LRRC72: variants seen among roughly 807,000 people sequenced by gnomAD.
LRRC72 encodes the protein leucine rich repeat containing 72, also known as leucine-rich repeat-containing protein 72.
LRRC72 carries 41 observed loss-of-function variants against 35.8 expected under a neutral mutation model. The observed-to-expected ratio is 1.15, with a 90% confidence interval of 0.89 to 1.49. The LOEUF is 1.49. Ranked by LOEUF, LRRC72 falls within the 40% of genes most tolerant of loss-of-function variation. LRRC72 has a pLI of 0.00. For missense variants in LRRC72, 389 were observed against 330.7 expected, an observed-to-expected ratio of 1.18 and a Z score of -1.37; for synonymous variants, 118 against 119.2, an observed-to-expected ratio of 0.99 and a Z score of 0.07.
At chr7:16,535,558 G>A (rs1454534494) in intron 2 of LRRC72, among the ~76,000 whole-genome samples, 1 of 152,082 alleles carries the variant, frequency 6.6e-6, no homozygotes, top group African/African-American at 2.4e-5. Flanking sequence ...GAGTTGTCAG[G>A]GAGCAAGATA....
At position 16,567,398 on chromosome 7, in the gene LRRC72, A is replaced by T; in HGVS notation, c.525A>T (p.Thr175=). The T allele has an allele frequency of 6.7e-7, 1 of 1,488,604 alleles. No homozygotes were observed. The highest frequency in any genetic ancestry group is 2.5e-5 in the East Asian group (1 of 40,236). 92.2% of individuals were successfully genotyped at this position (1,488,604 alleles called of 1,614,324 possible). A position where few individuals can be genotyped will look rare whatever the true frequency, so the allele number is the denominator to read the frequency against. Residue 175 remains threonine, a synonymous_variant, in exon 7 of 9, where the codon ACA becomes ACT. Coordinates refer to ENST00000401542, the MANE Select transcript of LRRC72 (RefSeq NM_001195280.2). The part of the protein sequence containing the change: ...GVELLDRNQV[T]EKERRSMITI... ...ACTTTTTGCATTTATCAGAAGTTAC[A>T]GAAAAAGAAAGAAGATCAATGATTA...
chr7:16,559,944 A>G (rs1340086636), intron 5 of LRRC72, among the ~76,000 whole-genome samples: 2 of 152,182 alleles, frequency 1.3e-5, no homozygotes, highest in Admixed American at 1.3e-4. Context: ...AACTTTATTC[A>G]TATATATTGA....
intron 1 of LRRC72, among the ~76,000 whole-genome samples, chr7:16,527,455 GGT>G (rs59655218): frequency 2.0e-5 from 3 of 149,696 alleles, no homozygotes; most frequent in Non-Finnish European, 4.5e-5. Context: ...CTCCAACAGG[GGT>G]GTGTGTGTGT....
At chr7:16,532,414 A>C in intron 1 of LRRC72, 81 bp from the exon 2 acceptor site, 1 of 901,974 alleles carries the variant, frequency 1.1e-6, no homozygotes, top group Admixed American at 2.0e-5. Context: ...CTTCTTGTAG[A>C]CGTTATTGTT....
Position 16,527,940 on chromosome 7 carries a change from A to G in LRRC72, c.90+898A>G, listed in dbSNP as rs530870429. Among the ~76,000 whole-genome samples, 18 of 152,208 alleles carry G rather than the reference A, an allele frequency of 1.2e-4. No homozygotes were observed. In the South Asian group the frequency reaches 3.5e-3, roughly 30 times the overall value. ...TCAGGCATCGGGTGGTGGAAGAAGC[A>G]GCTGCTGTTCTCCCCATGCTAGAAC... On this transcript the variant is annotated intron_variant, in intron 1 of 8. Transcript: ENST00000401542.
At chr7:16,568,269 A>G (rs1236197223) in intron 7 of LRRC72, among the ~76,000 whole-genome samples, 2 of 152,184 alleles carry the variant, frequency 1.3e-5, no homozygotes, top group Non-Finnish European at 2.9e-5. Context: ...TCACATCTCC[A>G]TTCCACGAAG....
At chr7:16,557,208 C>A (rs2128337175) in intron 3 of LRRC72, among the ~76,000 whole-genome samples, 152 bp from the exon 4 acceptor site, 1 of 151,968 alleles carries the variant, frequency 6.6e-6, no homozygotes, top group South Asian at 2.1e-4. Context: ...TACAGCCAGA[C>A]CAAAAGGTCA....
chr7:16,550,240 G>A (rs1782525660), intron 3 of LRRC72, among the ~76,000 whole-genome samples: 1 of 152,040 alleles, frequency 6.6e-6, no homozygotes, highest in South Asian at 2.1e-4. Context: ...AAAAAAAGGT[G>A]TAGAACTGAG....
intron 7 of LRRC72, among the ~76,000 whole-genome samples, chr7:16,573,292 G>A (rs1440609699): frequency 2.0e-5 from 3 of 151,880 alleles, no homozygotes; most frequent in Non-Finnish European, 1.5e-5. Flanking sequence ...CACAGAATTG[G>A]AAAAAAACTA....
chr7:16,552,249 G>A (rs2128336585), intron 3 of LRRC72, among the ~76,000 whole-genome samples: 1 of 152,210 alleles, frequency 6.6e-6, no homozygotes, highest in Middle Eastern at 3.4e-3. Context: ...TCTATTCAGG[G>A]ATGTTAAAAT....
chr7:16,532,539 T>TG lies in LRRC72; in HGVS notation c.136dup (p.Asp46GlyfsTer4). ...AGATATGTGGCCACAGGAGGGATGC[T>TG]GATGTCTTTGAGCTGTTCCTTTCTA... On this transcript the variant is annotated frameshift_variant, in exon 2 of 9. Transcript: ENST00000401542. LOFTEE classifies it high-confidence loss of function. 6.5e-7 allele frequency: 1 copy of TG among 1,550,004 alleles called. No homozygotes were observed. Among genetic ancestry groups the TG allele is most frequent in the Admixed American group, 2.0e-5 (1 of 51,000 alleles).
intron 3 of LRRC72, among the ~76,000 whole-genome samples, chr7:16,557,125 G>A (rs1461740958): frequency 6.6e-6 from 1 of 152,114 alleles, no homozygotes; most frequent in East Asian, 1.9e-4. Context: ...GTTGAGATGT[G>A]GTAAGAGAGG....
At position 16,539,118 on chromosome 7, in the gene LRRC72, A is replaced by C. The variant is rs1454899631; in HGVS notation, c.234+1422A>C. Reference sequence around the variant, plus strand: ...TCAGAAGAAGACAGGAAGACATGGGAAAGTTTGGAACTTCCTAGAGACTTG... The same window carrying C: ...TCAGAAGAAGACAGGAAGACATGGGCAAGTTTGGAACTTCCTAGAGACTTG... On this transcript the variant is annotated intron_variant, in intron 3 of 8. Transcript: ENST00000401542. 2.0e-5 allele frequency among the ~76,000 whole-genome samples: 3 copies of C among 152,224 alleles called. No individual in the cohort carries two copies. In the East Asian group the frequency reaches 5.8e-4, roughly 29 times the overall value.
At chr7:16,547,899 C>A (rs1782476591) in intron 3 of LRRC72, among the ~76,000 whole-genome samples, 1 of 152,194 alleles carries the variant, frequency 6.6e-6, no homozygotes, top group Non-Finnish European at 1.5e-5. Context: ...CCCAATGAAG[C>A]CCCACCTTCA....
chr7:16,559,451 G>A (rs1201845741), intron 5 of LRRC72, among the ~76,000 whole-genome samples: 1 of 152,004 alleles, frequency 6.6e-6, no homozygotes, highest in East Asian at 1.9e-4. Context: ...TGTCTTTTAA[G>A]ATACGCTTTT....
At chr7:16,532,801 C>A (rs912399452) in intron 2 of LRRC72, 40 of 577,536 alleles carry the variant, frequency 6.9e-5, no homozygotes, top group Non-Finnish European at 1.1e-4. Flanking sequence ...AGCTCTGTCT[C>A]TTCCAGCTGG....
chr7:16,549,555 A>G (rs1388741587), intron 3 of LRRC72, among the ~76,000 whole-genome samples: 2 of 152,198 alleles, frequency 1.3e-5, no homozygotes, highest in African/African-American at 4.8e-5. Context: ...TTCCACTGCT[A>G]TGGAAAGCAA....
intron 1 of LRRC72, among the ~76,000 whole-genome samples, chr7:16,531,089 A>G (rs1782153374): frequency 6.6e-6 from 1 of 151,696 alleles, no homozygotes; most frequent in African/African-American, 2.4e-5. Context: ...CTTGGGAGGC[A>G]GGAGAATTGC....
At chr7:16,577,108 T>A (rs1181939446) in intron 7 of LRRC72, among the ~76,000 whole-genome samples, 1 of 152,170 alleles carries the variant, frequency 6.6e-6, no homozygotes, top group African/African-American at 2.4e-5. Context: ...AAATGCCAAC[T>A]GCTACCTATG....
Sources: allele counts gnomAD v4.1 joint callset (sites outside exome capture counted in the v4.1 genomes callset), GRCh38; gene constraint gnomAD v4.1.1; transcripts MANE v1.5; gene names NCBI Gene and HGNC (gene_info 2026-07-23, HGNC 2026-07-21).